The following MVB12B variants were observed in gnomAD, a reference collection of about 807,000 sequenced individuals.
MVB12B encodes the protein ESCRT-I complex subunit MVB12B.
In MVB12B, 16 loss-of-function variants were observed where a neutral mutation model predicts 41.6. That is an observed-to-expected ratio of 0.38 (90% CI 0.26 to 0.58). MVB12B has a LOEUF of 0.58. MVB12B is among the 20% of genes least tolerant of loss of function. MVB12B has a pLI of 0.62. For synonymous variants in MVB12B, 133 were observed against 139.7 expected (o/e 0.95, Z 0.34); for missense variants, 274 against 380.2 (o/e 0.72, Z 2.32).
chr9:126,493,899 G>A (rs187819742), intron 9 of MVB12B, among the ~76,000 whole-genome samples: 7 of 152,286 alleles, frequency 4.6e-5, no homozygotes, highest in Non-Finnish European at 8.8e-5. Context: ...TCCCCAGGCA[G>A]GCAGTTACGT....
At chr9:126,387,858 A>T (rs1830841813) in intron 4 of MVB12B, among the ~76,000 whole-genome samples, 1 of 152,232 alleles carries the variant, frequency 6.6e-6, no homozygotes, top group South Asian at 2.1e-4. Context: ...GGGATTAAAG[A>T]ACTTAGCCAA....
intron 2 of MVB12B, among the ~76,000 whole-genome samples, chr9:126,347,744 A>G (rs1276733593): frequency 6.6e-6 from 1 of 152,180 alleles, no homozygotes; most frequent in African/African-American, 2.4e-5. Flanking sequence ...AAATCACGTT[A>G]TGAAAAACAT....
At chr9:126,431,903 T>G (rs1254843564) in intron 7 of MVB12B, among the ~76,000 whole-genome samples, 1 of 152,200 alleles carries the variant, frequency 6.6e-6, no homozygotes, top group Non-Finnish European at 1.5e-5. Context: ...GGCTCATTCT[T>G]ATGGGACGCT....
At chr9:126,353,153 C>G (rs780725569) in intron 2 of MVB12B, among the ~76,000 whole-genome samples, 4 of 152,164 alleles carry the variant, frequency 2.6e-5, no homozygotes, top group Non-Finnish European at 5.9e-5. Flanking sequence ...GGAGATGAGA[C>G]TGGAAGGAAG....
rs891671018 is a variant in MVB12B, at chr9:126,486,934, C to T, written c.873+2902C>T. ...TGCTGGGGTGGGGTGAAGTGGGTGA[C>T]GGTCCCAGTGTGGGGTCCAGGGCGG... On this transcript the variant is annotated intron_variant, in intron 9 of 9. Transcript: ENST00000361171. This position sits in a 1 kb window ranked among gnomAD's most constrained non-coding sequence, Gnocchi z 4.7. Among the ~76,000 whole-genome samples the T allele has an allele frequency of 9.2e-5, 14 of 152,100 alleles. No individual in the cohort carries two copies. The highest frequency in any genetic ancestry group is 1.9e-4 in the African/African-American group (8 of 41,424).
chr9:126,336,341 G>A (rs985039432), intron 1 of MVB12B, among the ~76,000 whole-genome samples: 3 of 152,268 alleles, frequency 2.0e-5, no homozygotes, highest in African/African-American at 7.2e-5. Flanking sequence ...GGGGCCGGGA[G>A]GCACACCTTT....
intron 6 of MVB12B, among the ~76,000 whole-genome samples, chr9:126,410,166 TG>T (rs1831595844): frequency 2.0e-5 from 3 of 151,884 alleles, no homozygotes; most frequent in Admixed American, 6.6e-5. Context: ...TGTGTGTGTG[TG>T]TGTGTGCACG....
At chr9:126,483,839 C>A (rs1833577362) in intron 8 of MVB12B, 134 bp from the exon 9 acceptor site, 2 of 882,908 alleles carry the variant, frequency 2.3e-6, no homozygotes, top group Non-Finnish European at 3.7e-6. Context: ...CACTGACTGT[C>A]TTCCTGTGGA....
intron 7 of MVB12B, among the ~76,000 whole-genome samples, chr9:126,463,149 C>T (rs1222885984): frequency 6.6e-6 from 1 of 152,150 alleles, no homozygotes; most frequent in Non-Finnish European, 1.5e-5. Flanking sequence ...CAAGAGAAGC[C>T]CTTTCCCAGG....
chr9:126,428,401 T>G (rs940115151), intron 7 of MVB12B, among the ~76,000 whole-genome samples: 2 of 152,192 alleles, frequency 1.3e-5, no homozygotes, highest in Non-Finnish European at 2.9e-5. Context: ...ATGTGTATCT[T>G]ACAATGTGAT....
Position 126,431,210 on chromosome 9 carries a change from G to T in MVB12B, c.757+9262G>T, listed in dbSNP as rs538884837. 6.6e-5 allele frequency among the ~76,000 whole-genome samples: 10 copies of T among 152,280 alleles called. No individual in the cohort carries two copies. The South Asian group carries it at 1.9e-3, about 28-fold the overall frequency. On this transcript the variant is annotated intron_variant, in intron 7 of 9. Coordinates refer to ENST00000361171, the MANE Select transcript of MVB12B (RefSeq NM_033446.3). Reference sequence around the variant, plus strand: ...AGTCCAGAGAAACTTGCAATAAAAGGCTCTCTGGCATGGCTCAGCTCAGTA... The same window carrying T: ...AGTCCAGAGAAACTTGCAATAAAAGTCTCTCTGGCATGGCTCAGCTCAGTA...
chr9:126,430,856 T>C (rs1284609888), intron 7 of MVB12B, among the ~76,000 whole-genome samples: 1 of 152,228 alleles, frequency 6.6e-6, no homozygotes, highest in Non-Finnish European at 1.5e-5. Context: ...ACAAGGACCC[T>C]GCACAATGCT....
chr9:126,483,196 A>T (rs1833562181), intron 8 of MVB12B, among the ~76,000 whole-genome samples: 1 of 151,968 alleles, frequency 6.6e-6, no homozygotes, highest in African/African-American at 2.4e-5. Flanking sequence ...CCCAGTAGGG[A>T]CTCAGACCAG....
chr9:126,383,967 C>T (rs995975573), intron 3 of MVB12B, among the ~76,000 whole-genome samples: 1 of 151,112 alleles, frequency 6.6e-6, no homozygotes, highest in Non-Finnish European at 1.5e-5. Context: ...TCTGTAAAAC[C>T]CAACTTGTCA....
chr9:126,339,446 A>G (rs1829376505), intron 1 of MVB12B, among the ~76,000 whole-genome samples: 1 of 152,086 alleles, frequency 6.6e-6, no homozygotes, highest in Admixed American at 6.5e-5. Context: ...ACTTAGGTTC[A>G]TTTACATATG....
At chr9:126,451,045 C>G (rs1434954499) in intron 7 of MVB12B, among the ~76,000 whole-genome samples, 1 of 152,168 alleles carries the variant, frequency 6.6e-6, no homozygotes, top group Non-Finnish European at 1.5e-5. Flanking sequence ...TGGGGCTGTG[C>G]TGGACAGCAA....
At chr9:126,336,852 C>T (rs1390791966) in intron 1 of MVB12B, among the ~76,000 whole-genome samples, 7 of 152,196 alleles carry the variant, frequency 4.6e-5, no homozygotes. Flanking sequence ...CTGCAGCCCC[C>T]AGCCTTGGAA....
chr9:126,334,267 G>A (rs1829218251), intron 1 of MVB12B, among the ~76,000 whole-genome samples: 1 of 152,208 alleles, frequency 6.6e-6, no homozygotes, highest in South Asian at 2.1e-4. Flanking sequence ...AGCTGAATTT[G>A]AGGTATTCCT....
chr9:126,431,892 C>T lies in MVB12B; in HGVS notation c.757+9944C>T, dbSNP rs150331153. ...CGATCATTTGAACATAGCAATAGGT[C>T]GGCTCATTCTTATGGGACGCTTCCT... On this transcript the variant is annotated intron_variant, in intron 7 of 9. Coordinates refer to ENST00000361171, the MANE Select transcript of MVB12B (RefSeq NM_033446.3). 3.0e-4 allele frequency among the ~76,000 whole-genome samples: 46 copies of T among 152,276 alleles called. 1 individual carries two copies. Among genetic ancestry groups the T allele is most frequent in the African/African-American group, 1.0e-3 (42 of 41,558 alleles).
Sources: gnomAD v4.1 joint callset for allele counts (sites outside exome capture counted in the v4.1 genomes callset) on GRCh38, gnomAD v4.1.1 for gene constraint, Gnocchi (gnomAD v3.1) non-coding constraint, MANE v1.5 for transcripts, NCBI Gene and HGNC (gene_info 2026-07-23, HGNC 2026-07-21) for gene names.